The following CA2 variants were observed in gnomAD, a reference collection of about 807,000 sequenced individuals.
The protein encoded by CA2 is carbonic anhydrase 2.
Under a neutral mutation model 27.8 loss-of-function variants are expected in CA2, and 23 were observed. That is an observed-to-expected ratio of 0.83 (90% CI 0.59 to 1.17). CA2 has a LOEUF of 1.17. Among genes scored for constraint, CA2 ranks in the 50% most tolerant of loss-of-function variants. CA2 has a pLI of 0.00. For missense variants in CA2, 300 were observed against 314.7 expected, an observed-to-expected ratio of 0.95 and a Z score of 0.35; for synonymous variants, 99 against 114.9, an observed-to-expected ratio of 0.86 and a Z score of 0.88.
At position 85,465,396 on chromosome 8, in the gene CA2, A is replaced by G. The variant is rs1811613100; in HGVS notation, c.159A>G (p.Gln53=). Residue 53 remains glutamine (Q), a synonymous_variant, in exon 2 of 7, where the codon CAA becomes CAG. Transcript: ENST00000285379. Reference sequence around the variant, plus strand: ...AGCCCCTGTCTGTTTCCTATGATCAAGCAACTTCCCTGAGGATCCTCAACA... The same window carrying G: ...AGCCCCTGTCTGTTTCCTATGATCAGGCAACTTCCCTGAGGATCCTCAACA... ...SLKPLSVSYD[Q]ATSLRILNNG... 6.2e-7 allele frequency: 1 copy of G among 1,614,194 alleles called. No homozygotes were observed. Among genetic ancestry groups the G allele is most frequent in the South Asian group, 1.1e-5 (1 of 91,076 alleles).
In CA2 at chr8:85,477,251, A is replaced by G. The variant is rs1811815145; in HGVS notation, c.639A>G (p.Glu213=). 1 of 1,613,940 alleles carries G rather than the reference A, an allele frequency of 6.2e-7. No individual in the cohort carries two copies. Among genetic ancestry groups the G allele is most frequent in the African/African-American group, 1.3e-5 (1 of 74,900 alleles). Residue 213 remains glutamate, a synonymous_variant, in exon 6 of 7, where the codon GAA becomes GAG. Transcript: ENST00000285379. ...GTGTGACCTGGATTGTGCTCAAGGA[A>G]CCCATCAGCGTCAGCAGCGAGCAGG... ...LECVTWIVLK[E]PISVSSEQVL... is the part of the protein sequence containing the mutation.
In CA2 at chr8:85,480,751, C is replaced by A; in HGVS notation, c.745C>A (p.Pro249Thr). Residue 249 changes from proline (P) to threonine (T), a missense_variant, in exon 7 of 7, where the codon CCA becomes ACA. Around this residue, in one of 3 missense-constraint regions of CA2, gnomAD observed 173 missense variants for 161.0 expected, o/e 1.07. Transcript: ENST00000285379. ...LMVDNWRPAQPLKNRQIKASF... is the reference protein window; with the variant it reads ...LMVDNWRPAQTLKNRQIKASF... ...GGTGGACAACTGGCGCCCAGCTCAG[C>A]CACTGAAGAACAGGCAAATCAAAGC... The A allele has an allele frequency of 6.2e-7, 1 of 1,613,858 alleles. No individual in the cohort carries two copies. The highest frequency in any genetic ancestry group is 8.5e-7 in the Non-Finnish European group (1 of 1,179,814).
Position 85,480,888 on chromosome 8 carries a change from G to T in CA2, c.*99G>T. 1 of 1,343,184 alleles carries T rather than the reference G, an allele frequency of 7.4e-7. No homozygotes were observed. Among genetic ancestry groups the T allele is most frequent in the Non-Finnish European group, 1.1e-6 (1 of 946,632 alleles). The allele number at this position is 1,343,184 out of a possible 1,614,324, so 83.2% of individuals were successfully genotyped here. On this transcript the variant is annotated 3_prime_UTR_variant, in exon 7 of 7. Coordinates refer to ENST00000285379, the MANE Select transcript of CA2 (RefSeq NM_000067.3). ...GTGATTTGGACCCTGGTTGCTTTGT[G>T]TCTAGTTTTCTAGACCCTTCATCTC... is the stretch of plus-strand genomic sequence containing the variant.
intron 2 of CA2, among the ~76,000 whole-genome samples, chr8:85,469,437 A>G (rs1811682595): frequency 6.6e-6 from 1 of 152,194 alleles, no homozygotes. Flanking sequence ...CGGAGTTAAT[A>G]GGATTTAACT....
At chr8:85,470,586 G>A (rs904929972) in intron 2 of CA2, among the ~76,000 whole-genome samples, 2 of 152,004 alleles carry the variant, frequency 1.3e-5, no homozygotes, top group African/African-American at 4.8e-5. Flanking sequence ...CTTTTAATTT[G>A]TATAAGTAAT....
chr8:85,464,176 C>T, intron 1 of CA2, 61 bp downstream of exon 1: 16 of 1,464,600 alleles, frequency 1.1e-5, no homozygotes, highest in Non-Finnish European at 1.4e-5. Context: ...ATCCCCGATC[C>T]CCGAGCCCGG....
rs1811744284 is a variant in CA2, at chr8:85,473,766, A to G, written c.306A>G (p.Gly102=). 6.2e-7 allele frequency: 1 copy of G among 1,611,498 alleles called. No homozygotes were observed. The highest frequency in any genetic ancestry group is 1.1e-5 in the South Asian group (1 of 91,038). ...QFHFHWGSLD[G]QGSEHTVDKK... is the part of the protein sequence containing the mutation. ...ACTTTCACTGGGGTTCACTTGATGG[A>G]CAAGGTTCAGAGCATACTGTGGATA... Residue 102 remains glycine (G), a synonymous_variant, in exon 3 of 7, where the codon GGA becomes GGG. Coordinates refer to ENST00000285379, the MANE Select transcript of CA2 (RefSeq NM_000067.3).
intron 6 of CA2, among the ~76,000 whole-genome samples, chr8:85,480,060 T>C (rs1811864372): frequency 6.6e-6 from 1 of 152,164 alleles, no homozygotes. Context: ...ACTTTTGATG[T>C]TAGATTTTTA....
intron 1 of CA2, chr8:85,464,626 A>T (rs76594593): frequency 0.026 from 3,875 of 147,874 alleles, 178 homozygotes; most frequent in African/African-American, 0.093. Context: ...GGCATTTTCC[A>T]GTGCTGGTTT....
intron 2 of CA2, among the ~76,000 whole-genome samples, chr8:85,469,105 T>G (rs1392017623): frequency 6.6e-6 from 1 of 152,190 alleles, no homozygotes; most frequent in African/African-American, 2.4e-5. Context: ...CATTTTTTTC[T>G]GTACACAAGT....
At chr8:85,468,464 C>T (rs1811662361) in intron 2 of CA2, among the ~76,000 whole-genome samples, 1 of 152,150 alleles carries the variant, frequency 6.6e-6, no homozygotes. Flanking sequence ...TTTTAAAAAT[C>T]ATACCATGTG....
At chr8:85,476,125 C>G (rs1382579453) in intron 5 of CA2, among the ~76,000 whole-genome samples, 1 of 152,184 alleles carries the variant, frequency 6.6e-6, no homozygotes, top group Non-Finnish European at 1.5e-5. Context: ...GTCAGAGAAT[C>G]TTATGCCTGC....
chr8:85,467,450 G>T lies in CA2; in HGVS notation c.232+1981G>T, dbSNP rs73263434. On this transcript the variant is annotated intron_variant, in intron 2 of 6. Transcript: ENST00000285379. ...TAAAGCCCCTAGCCCAGTGCCTGGC[G>T]CATAGAAGTTGCTCAATAAATGGCC... Among the ~76,000 whole-genome samples the T allele has an allele frequency of 9.2e-3, 1,407 of 152,336 alleles. 25 individuals carry two copies. The highest frequency in any genetic ancestry group is 0.033 in the African/African-American group (1,356 of 41,566).
rs758843190 is a variant in CA2, at chr8:85,474,386, T to G, written c.414T>G (p.Asp138Glu). The change falls in exon 4 of 7, where the codon GAT (aspartate) becomes GAG (glutamate). Residue 138 changes from aspartate to glutamate, a missense_variant. Asp to Glu is a conservative substitution (Grantham distance 45). Coordinates refer to ENST00000285379, the MANE Select transcript of CA2 (RefSeq NM_000067.3). ...GDFGKAVQQP[D>E]GLAVLGIFLK... ...TTGGGAAAGCTGTGCAGCAACCTGATGGACTGGCCGTTCTAGGTATTTTTT... is the reference window on the plus strand; with the variant it reads ...TTGGGAAAGCTGTGCAGCAACCTGAGGGACTGGCCGTTCTAGGTATTTTTT... 1.9e-6 allele frequency: 3 copies of G among 1,614,114 alleles called. No homozygotes were observed. Among genetic ancestry groups the G allele is most frequent in the Non-Finnish European group, 1.7e-6 (2 of 1,179,952 alleles).
chr8:85,464,326 A>T (rs376661947), intron 1 of CA2: 5 of 474,102 alleles, frequency 1.1e-5, no homozygotes, highest in East Asian at 3.7e-5. Flanking sequence ...CCCAGCTGCG[A>T]GGCCACTGTG....
At chr8:85,465,900 A>G (rs1240802196) in intron 2 of CA2, among the ~76,000 whole-genome samples, 1 of 152,216 alleles carries the variant, frequency 6.6e-6, no homozygotes, top group Non-Finnish European at 1.5e-5. Flanking sequence ...GAAGAGTAAC[A>G]AAAACGTGCC....
chr8:85,472,899 G>A (rs1444371025), intron 2 of CA2, among the ~76,000 whole-genome samples: 1 of 151,664 alleles, frequency 6.6e-6, no homozygotes, highest in African/African-American at 2.4e-5. Flanking sequence ...GCTGAGGCAC[G>A]AGAATCGCTT....
chr8:85,464,307 C>T (rs984489977), intron 1 of CA2, 192 bp downstream of exon 1: 7 of 485,538 alleles, frequency 1.4e-5, no homozygotes, highest in Middle Eastern at 5.3e-4. Context: ...CCGGGGATGT[C>T]CCCCTTGCCC....
intron 2 of CA2, among the ~76,000 whole-genome samples, chr8:85,468,496 C>T (rs577048664): frequency 1.4e-4 from 22 of 152,296 alleles, no homozygotes; most frequent in African/African-American, 4.8e-4. Context: ...CGGTGGCTCA[C>T]GCCTGTAGTC....
Sources: allele counts gnomAD v4.1 joint callset (sites outside exome capture counted in the v4.1 genomes callset), GRCh38; gene constraint gnomAD v4.1.1; regional missense constraint gnomAD v4.1.1; transcripts MANE v1.5; gene names NCBI Gene and HGNC (gene_info 2026-07-23, HGNC 2026-07-21).